The following DRICH1 variants were observed in gnomAD, a reference collection of about 807,000 sequenced individuals.
DRICH1 encodes aspartate-rich protein 1.
Under a neutral mutation model 39.5 loss-of-function variants are expected in DRICH1, and 38 were observed. The ratio of observed to expected loss-of-function variants is 0.96; its 90% confidence interval spans 0.74 to 1.26. The LOEUF (loss-of-function observed/expected upper bound fraction) is 1.26, where lower values mean the gene tolerates loss of function less well. DRICH1 is among the 50% of genes most tolerant of loss of function. The pLI is 0.00. For synonymous variants in DRICH1, 84 were observed against 99.5 expected (o/e 0.84, Z 0.93); for missense variants, 279 against 270.4 (o/e 1.03, Z -0.22).
the DRICH1 span, among the ~76,000 whole-genome samples, chr22:23,596,465 A>C: frequency 1.3e-5 from 2 of 152,088 alleles, no homozygotes; most frequent in Non-Finnish European, 2.9e-5. Flanking sequence ...TTTGTCGCCC[A>C]GGCTGGTTTA....
the DRICH1 span, among the ~76,000 whole-genome samples, chr22:23,583,642 C>T: frequency 6.6e-6 from 1 of 152,274 alleles, no homozygotes; most frequent in African/African-American, 2.4e-5. Context: ...AGACAGCTCC[C>T]GATCCTCGGG....
At chr22:23,580,997 G>A in the DRICH1 span, 4 of 152,270 alleles carry the variant, frequency 2.6e-5, no homozygotes, top group East Asian at 7.7e-4. Context: ...TGACAAAACT[G>A]TATATATATT....
intron 1 of DRICH1, among the ~76,000 whole-genome samples, chr22:23,630,256 C>T (rs1285277143): frequency 5.3e-5 from 8 of 152,108 alleles, no homozygotes; most frequent in African/African-American, 1.4e-4. Context: ...ACCAGGGGCA[C>T]GCATAGGTGC....
chr22:23,608,672 G>A lies in DRICH1; in HGVS notation c.*92C>T, dbSNP rs1926866646. ...AGAGTTTTCCTCAGAATGTAGAGAGGATTGAGACCTCCAGGGGCAAAGCTG... is the reference window on the plus strand; with the variant it reads ...AGAGTTTTCCTCAGAATGTAGAGAGAATTGAGACCTCCAGGGGCAAAGCTG... On this transcript the variant is annotated 3_prime_UTR_variant, in exon 12 of 12. Transcript: ENST00000317749. 2.4e-6 allele frequency: 3 copies of A among 1,259,858 alleles called. No homozygotes were observed. Among genetic ancestry groups the A allele is most frequent in the South Asian group, 1.3e-5 (1 of 78,160 alleles). The allele number at this position is 1,259,858 out of a possible 1,614,324, so 78.0% of individuals were successfully genotyped here. A position where few individuals can be genotyped will look rare whatever the true frequency, so the allele number is the denominator to read the frequency against.
chr22:23,617,353 A>T (rs756803381), intron 7 of DRICH1, among the ~76,000 whole-genome samples: 73 of 151,770 alleles, frequency 4.8e-4, no homozygotes, highest in Non-Finnish European at 9.8e-4. Context: ...GTTTAATACA[A>T]AGTGCCTTGA....
chr22:23,624,817 A>G, intron 3 of DRICH1, 66 bp downstream of exon 3: 1 of 1,454,992 alleles, frequency 6.9e-7, no homozygotes, highest in East Asian at 2.3e-5. Context: ...AATCCAGATT[A>G]AGGTTTCTAT....
the DRICH1 span, among the ~76,000 whole-genome samples, chr22:23,600,746 C>T: frequency 0.053 from 7,964 of 151,564 alleles, 386 homozygotes; most frequent in African/African-American, 0.12. Flanking sequence ...GATCTCGGCC[C>T]ACTGCAAGCT....
At chr22:23,618,739 T>C (rs1461045275) in intron 6 of DRICH1, among the ~76,000 whole-genome samples, 1 of 152,102 alleles carries the variant, frequency 6.6e-6, no homozygotes, top group Non-Finnish European at 1.5e-5. Context: ...TCTACTGAAA[T>C]GAGGAAATGT....
At chr22:23,589,004 C>CAA in the DRICH1 span, among the ~76,000 whole-genome samples, 2 of 151,916 alleles carry the variant, frequency 1.3e-5, no homozygotes, top group Non-Finnish European at 2.9e-5. Context: ...TCATATAACC[C>CAA]AAACAAGCTA....
intron 7 of DRICH1, among the ~76,000 whole-genome samples, chr22:23,617,150 T>C (rs754158489): frequency 6.6e-6 from 1 of 152,222 alleles, no homozygotes; most frequent in Non-Finnish European, 1.5e-5. Context: ...TGCATTACAG[T>C]TGATGATGGA....
the DRICH1 span, among the ~76,000 whole-genome samples, chr22:23,587,651 C>A: frequency 7.2e-5 from 11 of 152,320 alleles, no homozygotes; most frequent in Admixed American, 7.2e-4. Flanking sequence ...AACTAGCAAT[C>A]CAGCAATGGG....
At position 23,624,871 on chromosome 22, in the gene DRICH1, C is replaced by A; in HGVS notation, c.298+12G>T. 8.1e-6 allele frequency: 13 copies of A among 1,612,940 alleles called. No homozygotes were observed. Among genetic ancestry groups the A allele is most frequent in the Non-Finnish European group, 1.1e-5 (13 of 1,179,026 alleles). Reference sequence around the variant, plus strand: ...TTGTTTCTCAGAAAGTGAGTTAGTTCAAGGTACGTACCCTGGACAGGTGAT... The same window carrying A: ...TTGTTTCTCAGAAAGTGAGTTAGTTAAAGGTACGTACCCTGGACAGGTGAT... On this transcript the variant is annotated intron_variant, in intron 3 of 11. Transcript: ENST00000317749.
the DRICH1 span, among the ~76,000 whole-genome samples, chr22:23,601,803 C>G: frequency 6.6e-6 from 1 of 152,236 alleles, no homozygotes; most frequent in African/African-American, 2.4e-5. Context: ...GCGGTCACAT[C>G]CTTTACGTTT....
chr22:23,588,227 A>C, the DRICH1 span, among the ~76,000 whole-genome samples: 1 of 152,154 alleles, frequency 6.6e-6, no homozygotes, highest in South Asian at 2.1e-4. Context: ...CCCAGGTTCA[A>C]GCAATTCTCC....
chr22:23,606,543 G>A (rs562525171), downstream of DRICH1, among the ~76,000 whole-genome samples: 58 of 152,224 alleles, frequency 3.8e-4, 1 homozygote, highest in South Asian at 8.7e-3. Context: ...TCTCGGAGTC[G>A]AACCCAAGCT....
intron 2 of DRICH1, among the ~76,000 whole-genome samples, chr22:23,625,559 G>A (rs922094250): frequency 3.3e-5 from 5 of 152,012 alleles, no homozygotes; most frequent in African/African-American, 9.7e-5. Context: ...AAAATAGCTC[G>A]CTTTGTCTGT....
Position 23,613,328 on chromosome 22 carries a change from A to G in DRICH1, c.646T>C (p.Leu216=). 2 of 1,613,000 alleles carry G rather than the reference A, an allele frequency of 1.2e-6. No homozygotes were observed. The highest frequency in any genetic ancestry group is 2.2e-5 in the East Asian group (1 of 44,880). Reference sequence around the variant, plus strand: ...TCATCACTTAGACTCTCCAGCGTCAAGTCTTTAGAAACAAAAACACCAGAA... The same window carrying G: ...TCATCACTTAGACTCTCCAGCGTCAGGTCTTTAGAAACAAAAACACCAGAA... ...IHITARIESD[L]TLESLSDEEI... is the part of the protein sequence containing the mutation. The change falls in exon 11 of 12, where the codon TTG becomes CTG. Residue 216 remains leucine, a splice_region_variant and synonymous_variant. Transcript: ENST00000317749.
the DRICH1 span, among the ~76,000 whole-genome samples, chr22:23,599,354 C>G: frequency 6.6e-6 from 1 of 152,338 alleles, no homozygotes; most frequent in South Asian, 2.1e-4. Flanking sequence ...CTGCCCTGGA[C>G]CTGCCTCCCT....
In DRICH1 at chr22:23,632,235, C is replaced by T. The variant is rs757367161; in HGVS notation, c.-212G>A. ...CCTGCTGTCTTCTTTGAAAAATAAACGAACATGACAAGCACCCAAAGGTGC... is the reference window on the plus strand; with the variant it reads ...CCTGCTGTCTTCTTTGAAAAATAAATGAACATGACAAGCACCCAAAGGTGC... On this transcript the variant is annotated 5_prime_UTR_variant, in exon 1 of 12. Transcript: ENST00000317749. 3.7e-5 allele frequency: 29 copies of T among 777,146 alleles called. No individual in the cohort carries two copies. The highest frequency in any genetic ancestry group is 7.7e-5 in the South Asian group (4 of 52,128). 48.1% of individuals were successfully genotyped at this position (777,146 alleles called of 1,614,324 possible). A position where few individuals can be genotyped will look rare whatever the true frequency, so the allele number is the denominator to read the frequency against.
Sources: gnomAD v4.1 joint callset for allele counts (sites outside exome capture counted in the v4.1 genomes callset) on GRCh38, gnomAD v4.1.1 for gene constraint, MANE v1.5 for transcripts, NCBI Gene and HGNC (gene_info 2026-07-23, HGNC 2026-07-21) for gene names.